Variants in TMEM163 observed in about 807,000 individuals in gnomAD.
The protein encoded by TMEM163 is transmembrane protein 163.
Under a neutral mutation model 29.3 loss-of-function variants are expected in TMEM163, and 17 were observed. The ratio of observed to expected loss-of-function variants is 0.58; its 90% confidence interval spans 0.40 to 0.87. The LOEUF is 0.87. Among genes scored for constraint, TMEM163 ranks in the 40% least tolerant of loss-of-function variants. TMEM163 has a pLI of 0.00. For synonymous variants in TMEM163, 157 were observed against 160.6 expected (o/e 0.98, Z 0.17); for missense variants, 303 against 381.5 (o/e 0.79, Z 1.71).
At chr2:134,551,296 G>A (rs1680916712) in intron 3 of TMEM163, among the ~76,000 whole-genome samples, 1 of 151,832 alleles carries the variant, frequency 6.6e-6, no homozygotes, top group African/African-American at 2.4e-5. Context: ...TGTGTGTGGT[G>A]GTGTGCCTTT....
At chr2:134,509,086 A>G (rs1160964991) in intron 4 of TMEM163, among the ~76,000 whole-genome samples, 1 of 152,212 alleles carries the variant, frequency 6.6e-6, no homozygotes, top group Non-Finnish European at 1.5e-5. Flanking sequence ...AAAAGTCAGC[A>G]TGAGGAACTT....
At chr2:134,704,444 C>T (rs893597007) in intron 2 of TMEM163, among the ~76,000 whole-genome samples, 1 of 152,150 alleles carries the variant, frequency 6.6e-6, no homozygotes, top group Non-Finnish European at 1.5e-5. Flanking sequence ...CCCCATGCTT[C>T]ACCTGGAAGC....
Position 134,718,920 on chromosome 2 carries a change from C to G in TMEM163, c.16G>C (p.Gly6Arg). Residue 6 changes from glycine to arginine, a missense_variant, in exon 1 of 8, where the codon GGC becomes CGC. Transcript: ENST00000281924. ...CCCTGGGAGCTGCGGCGCTGGATGC[C>G]CGCGGCCGGCTCCATGGCGCGGGGC... Reference protein sequence around the residue: MEPAAGIQRRSSQGPT... With the variant: MEPAARIQRRSSQGPT... 1 of 1,059,946 alleles carries G rather than the reference C, an allele frequency of 9.4e-7. No individual in the cohort carries two copies. The highest frequency in any genetic ancestry group is 1.1e-6 in the Non-Finnish European group (1 of 880,084). 65.7% of individuals were successfully genotyped at this position (1,059,946 alleles called of 1,614,324 possible).
intron 4 of TMEM163, among the ~76,000 whole-genome samples, chr2:134,529,973 G>A (rs933376672): frequency 6.6e-6 from 1 of 152,046 alleles, no homozygotes; most frequent in Non-Finnish European, 1.5e-5. Flanking sequence ...ATGCTGGAAG[G>A]AAAGGGCTGG....
chr2:134,524,494 T>C (rs1305477673), intron 4 of TMEM163, among the ~76,000 whole-genome samples: 2 of 150,102 alleles, frequency 1.3e-5, no homozygotes, highest in Admixed American at 6.6e-5. Context: ...AAGCCCCACA[T>C]GCATTTGCTA....
intron 2 of TMEM163, among the ~76,000 whole-genome samples, chr2:134,650,155 T>A (rs1683436428): frequency 6.6e-6 from 1 of 152,040 alleles, no homozygotes; most frequent in Admixed American, 6.6e-5. Flanking sequence ...CTGTACTATA[T>A]TATATATGCT....
intron 4 of TMEM163, among the ~76,000 whole-genome samples, chr2:134,534,325 C>T (rs1314378225): frequency 3.3e-5 from 5 of 152,140 alleles, no homozygotes; most frequent in Admixed American, 3.3e-4. Flanking sequence ...GCTACACCAA[C>T]AGAACAGCTA....
At position 134,473,157 on chromosome 2, in the gene TMEM163, C is replaced by A. The variant is rs1574158206; in HGVS notation, c.556-6932G>T. On this transcript the variant is annotated intron_variant, in intron 5 of 7. Transcript: ENST00000281924. ...AAAGGCCTAATATCAATGATCTGAG[C>A]TTTGCCTTTAAGAAAAAATTAAAAG... Among the ~76,000 whole-genome samples, 3 of 152,216 alleles carry A rather than the reference C, an allele frequency of 2.0e-5. No homozygotes were observed. In the South Asian group the frequency reaches 6.2e-4, roughly 32 times the overall value.
At chr2:134,553,806 C>T (rs990791243) in intron 2 of TMEM163, among the ~76,000 whole-genome samples, 11 of 152,254 alleles carry the variant, frequency 7.2e-5, no homozygotes, top group African/African-American at 2.6e-4. Context: ...TAAAGGGGCA[C>T]TGGCCCTTCC....
intron 2 of TMEM163, among the ~76,000 whole-genome samples, chr2:134,552,598 CA>C (rs1680954863): frequency 7.0e-6 from 1 of 143,322 alleles, no homozygotes; most frequent in African/African-American, 2.6e-5. Context: ...CAGATGTCTA[CA>C]AATAGAGATG....
At chr2:134,550,417 C>T (rs1471471895) in intron 4 of TMEM163, 153 bp downstream of exon 4, 1 of 631,170 alleles carries the variant, frequency 1.6e-6, no homozygotes, top group Admixed American at 2.5e-5. Flanking sequence ...TACCACATGG[C>T]TGGCATTGCA....
chr2:134,679,541 C>T (rs1373630961), intron 2 of TMEM163, among the ~76,000 whole-genome samples: 2 of 152,148 alleles, frequency 1.3e-5, no homozygotes, highest in Non-Finnish European at 2.9e-5. Context: ...AAGTGAGCGA[C>T]GCAGTGCTCT....
intron 1 of TMEM163, among the ~76,000 whole-genome samples, chr2:134,716,782 C>A (rs1001539820): frequency 6.6e-6 from 1 of 152,196 alleles, no homozygotes; most frequent in African/African-American, 2.4e-5. Flanking sequence ...GTAAACCTCC[C>A]CAGGTAACGT....
chr2:134,688,226 G>A (rs1196311966), intron 2 of TMEM163, among the ~76,000 whole-genome samples: 3 of 152,058 alleles, frequency 2.0e-5, no homozygotes, highest in Non-Finnish European at 4.4e-5. Flanking sequence ...ATGTGCCTCG[G>A]CCCGAGCTGC....
chr2:134,638,673 G>C (rs1468305928), intron 2 of TMEM163, among the ~76,000 whole-genome samples: 1 of 152,152 alleles, frequency 6.6e-6, no homozygotes, highest in Non-Finnish European at 1.5e-5. Flanking sequence ...GTGCCTGATG[G>C]TATGGGGACA....
At chr2:134,547,438 C>T (rs1292790155) in intron 4 of TMEM163, among the ~76,000 whole-genome samples, 1 of 151,914 alleles carries the variant, frequency 6.6e-6, no homozygotes, top group Non-Finnish European at 1.5e-5. Context: ...GGGTCCAGTT[C>T]AAAAAAATAA....
At chr2:134,601,012 G>A (rs1682217140) in intron 2 of TMEM163, among the ~76,000 whole-genome samples, 1 of 151,936 alleles carries the variant, frequency 6.6e-6, no homozygotes, top group Admixed American at 6.6e-5. Flanking sequence ...TGCCTTCATA[G>A]TAAAAACATA....
chr2:134,538,318 T>C (rs1680586797), intron 4 of TMEM163, among the ~76,000 whole-genome samples: 1 of 152,176 alleles, frequency 6.6e-6, no homozygotes, highest in African/African-American at 2.4e-5. Context: ...CTCCAGACAC[T>C]GAATCCGTCT....
At chr2:134,551,818 G>C (rs976406075) in intron 3 of TMEM163, among the ~76,000 whole-genome samples, 2 of 152,228 alleles carry the variant, frequency 1.3e-5, no homozygotes, top group Admixed American at 1.3e-4. Context: ...ACCCAACCAC[G>C]TTGTGGGAAA....
Sources: allele counts gnomAD v4.1 joint callset (sites outside exome capture counted in the v4.1 genomes callset), GRCh38; gene constraint gnomAD v4.1.1; transcripts MANE v1.5; gene names NCBI Gene and HGNC (gene_info 2026-07-23, HGNC 2026-07-21).